PDE4B: variants seen among roughly 807,000 people sequenced by gnomAD.
PDE4B encodes the protein 3',5'-cyclic-AMP phosphodiesterase 4B.
PDE4B carries 20 observed loss-of-function variants against 82.2 expected under a neutral mutation model. The ratio of observed to expected loss-of-function variants is 0.24; its 90% CI spans 0.17 to 0.35. The LOEUF (loss-of-function observed/expected upper bound fraction) is 0.35, where lower values mean the gene tolerates loss of function less well. Among genes scored for constraint, PDE4B ranks in the 10% least tolerant of loss-of-function variants. The pLI is 1.00. For missense variants in PDE4B, 655 were observed against 907.2 expected (o/e 0.72, Z 3.57); for synonymous variants, 320 against 318.9 (o/e 1.00, Z -0.04).
chr1:65,883,584 C>A (rs1476800289), intron 1 of PDE4B, among the ~76,000 whole-genome samples: 1 of 152,152 alleles, frequency 6.6e-6, no homozygotes, highest in Non-Finnish European at 1.5e-5. Flanking sequence ...TCTAGATATA[C>A]AATCATGTCA....
chr1:66,132,256 A>T (rs977309107), intron 3 of PDE4B, among the ~76,000 whole-genome samples: 14 of 152,210 alleles, frequency 9.2e-5, no homozygotes, highest in African/African-American at 2.9e-4. Flanking sequence ...ATAGTTGGAG[A>T]GCACTACAGT....
intron 3 of PDE4B, among the ~76,000 whole-genome samples, chr1:66,111,147 C>G (rs1338618940): frequency 6.6e-6 from 1 of 151,968 alleles, no homozygotes; most frequent in Non-Finnish European, 1.5e-5. Flanking sequence ...ATTCTTACCC[C>G]ACATGAAAAG....
At chr1:66,066,975 A>C (rs541234254) in intron 3 of PDE4B, among the ~76,000 whole-genome samples, 1 of 152,010 alleles carries the variant, frequency 6.6e-6, no homozygotes, top group African/African-American at 2.4e-5. Context: ...GCAGTTTTAG[A>C]TACATTTAAG....
chr1:65,836,404 T>C (rs1310204760), intron 1 of PDE4B, among the ~76,000 whole-genome samples: 1 of 152,188 alleles, frequency 6.6e-6, no homozygotes, highest in Non-Finnish European at 1.5e-5. Context: ...TCATGTAATA[T>C]TGATTACATG....
chr1:66,096,313 G>T (rs1479023498), intron 3 of PDE4B, among the ~76,000 whole-genome samples: 1 of 150,994 alleles, frequency 6.6e-6, no homozygotes, highest in Non-Finnish European at 1.5e-5. Context: ...CTGCTTTGTT[G>T]AGAGATCATT....
chr1:66,260,266 CAG>C (rs1654587227), intron 6 of PDE4B, among the ~76,000 whole-genome samples: 1 of 152,192 alleles, frequency 6.6e-6, no homozygotes, highest in Non-Finnish European at 1.5e-5. Flanking sequence ...CAGTGGGCAA[CAG>C]AGTTTTCCTT....
At chr1:66,151,043 C>A (rs188940989) in intron 3 of PDE4B, among the ~76,000 whole-genome samples, 2 of 152,176 alleles carry the variant, frequency 1.3e-5, no homozygotes, top group South Asian at 2.1e-4. Flanking sequence ...TAGTACTGAC[C>A]TCAGATAATG....
At chr1:66,204,887 T>C (rs548081019) in intron 3 of PDE4B, among the ~76,000 whole-genome samples, 126 of 152,348 alleles carry the variant, frequency 8.3e-4, no homozygotes, top group African/African-American at 2.9e-3. Flanking sequence ...CCTAGTGAGA[T>C]GAACCCAGTA....
intron 1 of PDE4B, among the ~76,000 whole-genome samples, chr1:65,850,426 T>A (rs566225149): frequency 1.3e-5 from 2 of 152,262 alleles, no homozygotes; most frequent in South Asian, 2.1e-4. Context: ...GAATTTGTAG[T>A]GCATAGTGTA....
chr1:65,921,780 C>A (rs1245109319), intron 3 of PDE4B, among the ~76,000 whole-genome samples: 3 of 152,166 alleles, frequency 2.0e-5, no homozygotes, highest in Admixed American at 1.3e-4. Flanking sequence ...GTTTCCCTTT[C>A]TAGGCTAGTA....
intron 8 of PDE4B, among the ~76,000 whole-genome samples, chr1:66,339,565 A>C (rs1456673835): frequency 6.6e-6 from 1 of 152,244 alleles, no homozygotes; most frequent in Non-Finnish European, 1.5e-5. Flanking sequence ...ACAGAAATGA[A>C]GAGGACATTG....
intron 1 of PDE4B, among the ~76,000 whole-genome samples, chr1:65,845,760 T>G (rs1275152806): frequency 1.3e-5 from 2 of 152,166 alleles, no homozygotes; most frequent in Non-Finnish European, 2.9e-5. Flanking sequence ...GCTTTACCCC[T>G]GCACCCTTTA....
chr1:66,357,539 C>T (rs562325226), intron 9 of PDE4B, among the ~76,000 whole-genome samples: 13 of 151,956 alleles, frequency 8.6e-5, no homozygotes, highest in South Asian at 4.2e-4. Flanking sequence ...TTGAGCAAAA[C>T]CAGTCATTTG....
At chr1:66,247,682 G>A (rs771063910) in intron 4 of PDE4B, 28 bp downstream of exon 4, 14 of 1,507,324 alleles carry the variant, frequency 9.3e-6, no homozygotes, top group African/African-American at 1.4e-5. Context: ...CTGGCTTCCA[G>A]TTTCACATTT....
chr1:66,157,665 A>G (rs115278008), intron 3 of PDE4B, among the ~76,000 whole-genome samples: 1,677 of 152,200 alleles, frequency 0.011, 33 homozygotes, highest in African/African-American at 0.038. Context: ...ACTGGTCAAT[A>G]TAGTATATAT....
At chr1:66,320,509 C>T (rs1004209021) in intron 7 of PDE4B, among the ~76,000 whole-genome samples, 1 of 152,202 alleles carries the variant, frequency 6.6e-6, no homozygotes, top group South Asian at 2.1e-4. Context: ...TGTTTGGAGA[C>T]TAGCAAAAAA....
chr1:65,868,662 C>G (rs919434076), intron 1 of PDE4B, among the ~76,000 whole-genome samples: 1 of 152,200 alleles, frequency 6.6e-6, no homozygotes, highest in African/African-American at 2.4e-5. Context: ...GGGCCCCCAA[C>G]CCCCAGGCTG....
At chr1:66,054,491 C>T (rs539642364) in intron 3 of PDE4B, among the ~76,000 whole-genome samples, 120 of 152,290 alleles carry the variant, frequency 7.9e-4, no homozygotes, top group African/African-American at 2.6e-3. Flanking sequence ...AACATAGTGC[C>T]TATATCTTGT....
At chr1:65,916,409 T>C (rs1046732913) in intron 2 of PDE4B, among the ~76,000 whole-genome samples, 4 of 151,956 alleles carry the variant, frequency 2.6e-5, no homozygotes, top group Middle Eastern at 3.2e-3. Context: ...ATAGTTCTTT[T>C]TTCTAAAGAA....
Sources: allele counts gnomAD v4.1 joint callset (sites outside exome capture counted in the v4.1 genomes callset), GRCh38; gene constraint gnomAD v4.1.1; transcripts MANE v1.5; gene names NCBI Gene and HGNC (gene_info 2026-07-23, HGNC 2026-07-21).